RCC1: variants seen among roughly 807,000 people sequenced by gnomAD.
RCC1 encodes the protein regulator of chromosome condensation 1.
A neutral mutation model predicts 44.4 loss-of-function variants in RCC1; 11 were observed. The ratio of observed to expected loss-of-function variants is 0.25; its 90% CI spans 0.16 to 0.41. The LOEUF (loss-of-function observed/expected upper bound fraction) is 0.41, where lower values mean the gene tolerates loss of function less well. RCC1 is among the 10% of genes least tolerant of loss of function. RCC1 has a pLI of 1.00. For missense variants in RCC1, 386 were observed against 547.1 expected, an observed-to-expected ratio of 0.71 and a Z score of 2.94; for synonymous variants, 213 against 216.5, an observed-to-expected ratio of 0.98 and a Z score of 0.14.
intron 3 of RCC1, among the ~76,000 whole-genome samples, chr1:28,511,537 T>C (rs2124607520): frequency 6.6e-6 from 1 of 151,910 alleles, no homozygotes; most frequent in Admixed American, 6.6e-5. Flanking sequence ...CCCGGCTAAT[T>C]TTTTTGTATT....
chr1:28,536,017 C>A lies in RCC1; in HGVS notation c.808C>A (p.His270Asn). ...HVYGFGLSNY[H>N]QLGTPGTESC... ...GTACGGCTTCGGCCTCTCCAACTAC[C>A]ATCAGCTTGGTGAGCCCCGAGCCCA... The change falls in exon 10 of 13, where the codon CAT (histidine) becomes AAT (asparagine). Residue 270 changes from histidine to asparagine, a missense_variant. Transcript: ENST00000683442. The surrounding 1 kb of genome is among the most constrained non-coding windows in gnomAD (Gnocchi z 4.9). The A allele has an allele frequency of 6.2e-7, 1 of 1,608,854 alleles. No individual in the cohort carries two copies. Among genetic ancestry groups the A allele is most frequent in the Non-Finnish European group, 8.5e-7 (1 of 1,176,856 alleles).
chr1:28,528,594 C>T (rs1280817381), intron 4 of RCC1, among the ~76,000 whole-genome samples: 2 of 152,148 alleles, frequency 1.3e-5, no homozygotes, highest in South Asian at 2.1e-4. Flanking sequence ...TGCCTGTGCG[C>T]TCCAGCCTGG....
Position 28,536,986 on chromosome 1 carries a change from C to T in RCC1, c.1090+87C>T. The T allele has an allele frequency of 1.4e-6, 2 of 1,444,650 alleles. No homozygotes were observed. The highest frequency in any genetic ancestry group is 1.9e-6 in the Non-Finnish European group (2 of 1,048,610). 89.5% of individuals were successfully genotyped at this position (1,444,650 alleles called of 1,614,324 possible). A position where few individuals can be genotyped will look rare whatever the true frequency, so the allele number is the denominator to read the frequency against. On this transcript the variant is annotated intron_variant, in intron 12 of 12. Coordinates refer to ENST00000683442, the MANE Select transcript of RCC1 (RefSeq NM_001381865.2). The surrounding 1 kb of genome is among the most constrained non-coding windows in gnomAD (Gnocchi z 4.9). ...TCCCCAATAGGCTGTGATGTCCACTCTCGGGGGAGCCGAGGTACAGAGAGC... is the reference window on the plus strand; with the variant it reads ...TCCCCAATAGGCTGTGATGTCCACTTTCGGGGGAGCCGAGGTACAGAGAGC...
intron 4 of RCC1, chr1:28,518,250 G>A (rs1663014317): frequency 6.6e-6 from 1 of 152,182 alleles, no homozygotes; most frequent in Non-Finnish European, 1.5e-5. Flanking sequence ...CGCATGCTCT[G>A]GGGCAGTTCG....
chr1:28,513,850 G>A (rs1662703189), intron 3 of RCC1, among the ~76,000 whole-genome samples: 1 of 152,118 alleles, frequency 6.6e-6, no homozygotes, highest in South Asian at 2.1e-4. Context: ...CTCCCAAAGT[G>A]CTAGGAATAC....
In RCC1 at chr1:28,538,660, T is replaced by A. The variant is rs192226146; in HGVS notation, c.*653T>A. On this transcript the variant is annotated 3_prime_UTR_variant, in exon 13 of 13. Transcript: ENST00000683442. ...TCTTGCCCCTCAGGTGTTGCTTGTG[T>A]ACATCGTACCCATCCATTCGGCTTC... 3.3e-5 allele frequency: 5 copies of A among 151,046 alleles called. No individual in the cohort carries two copies. The highest frequency in any genetic ancestry group is 1.2e-4 in the African/African-American group (5 of 41,472). 9.4% of individuals were successfully genotyped at this position (151,046 alleles called of 1,614,324 possible). A position where few individuals can be genotyped will look rare whatever the true frequency, so the allele number is the denominator to read the frequency against.
At chr1:28,528,822 G>A (rs551137744) in intron 4 of RCC1, among the ~76,000 whole-genome samples, 1 of 142,720 alleles carries the variant, frequency 7.0e-6, no homozygotes, top group East Asian at 2.0e-4. Context: ...AAAAAAAAAT[G>A]GATGATAGGC....
intron 5 of RCC1, among the ~76,000 whole-genome samples, chr1:28,530,883 C>A (rs531594335): frequency 6.6e-6 from 1 of 152,180 alleles, no homozygotes; most frequent in East Asian, 1.9e-4. Context: ...TATTCACTGG[C>A]GGACGGCTTG....
intron 4 of RCC1, among the ~76,000 whole-genome samples, chr1:28,517,491 A>G (rs890839964): frequency 6.6e-6 from 1 of 152,200 alleles, no homozygotes; most frequent in Non-Finnish European, 1.5e-5. Context: ...CTTGTAGCTC[A>G]TAAGAAGATG....
intron 9 of RCC1, 91 bp from the exon 10 acceptor site, chr1:28,535,780 G>C (rs768559396): frequency 1.6e-5 from 23 of 1,414,454 alleles, no homozygotes; most frequent in Non-Finnish European, 2.2e-5. Context: ...GCCTCTCAAG[G>C]GCTTTTATAA....
chr1:28,515,482 C>T (rs997555852), intron 3 of RCC1, among the ~76,000 whole-genome samples: 6 of 150,636 alleles, frequency 4.0e-5, no homozygotes, highest in Non-Finnish European at 5.9e-5. Flanking sequence ...TTTGGGAGGC[C>T]GAGATGGGTG....
At chr1:28,515,298 A>C (rs1408705520) in intron 3 of RCC1, among the ~76,000 whole-genome samples, 1 of 151,908 alleles carries the variant, frequency 6.6e-6, no homozygotes, top group African/African-American at 2.4e-5. Flanking sequence ...TCAAAAAAAA[A>C]AATTAGCTGG....
At chr1:28,516,143 A>T (rs1413413238) in intron 3 of RCC1, among the ~76,000 whole-genome samples, 1 of 152,030 alleles carries the variant, frequency 6.6e-6, no homozygotes, top group Non-Finnish European at 1.5e-5. Flanking sequence ...AAATCGTGCC[A>T]TTGCACTCTA....
rs911392687 is a variant in RCC1 at position 28,528,622 on chromosome 1, G to A, written c.-9-1236G>A. On this transcript the variant is annotated intron_variant, in intron 4 of 12. Transcript: ENST00000683442. The stretch of plus-strand genomic sequence containing the variant: ...CAGCCTGGCGACAGAGTGAGACTCC[G>A]TCTCAAAAAACAGAAAAATACATGT... Among the ~76,000 whole-genome samples, 11 of 152,116 alleles carry A rather than the reference G, an allele frequency of 7.2e-5. No homozygotes were observed. The East Asian group carries it at 9.7e-4, about 13-fold the overall frequency.
At chr1:28,537,675 G>C (rs924522768) in intron 12 of RCC1, among the ~76,000 whole-genome samples, 157 bp from the exon 13 acceptor site, 27 of 152,060 alleles carry the variant, frequency 1.8e-4, no homozygotes, top group African/African-American at 6.0e-4. Flanking sequence ...TCATCTCCTT[G>C]GGTTCTCCCA....
chr1:28,519,570 A>AT (rs771304636), intron 4 of RCC1, among the ~76,000 whole-genome samples: 9,162 of 145,634 alleles, frequency 0.063, 399 homozygotes, highest in African/African-American at 0.12. Context: ...TGAGGATATA[A>AT]TTTTTTTTTT....
intron 3 of RCC1, 96 bp from the exon 4 acceptor site, chr1:28,516,629 A>C (rs569303880): frequency 8.3e-6 from 2 of 241,566 alleles, no homozygotes; most frequent in East Asian, 1.2e-4. Context: ...TGTGAGGAAC[A>C]AATGAGCTGA....
At chr1:28,507,647 GGCTGGAGTGCAGTGGCGCACTC>G (rs1390269742) in intron 1 of RCC1, 1 of 431,100 alleles carries the variant, frequency 2.3e-6, no homozygotes, top group Non-Finnish European at 4.5e-6. Context: ...CTGTTGCCCA[GGCTGGAGTGCAGTGGCGCACTC>G]CATTGCCTCT....
intron 4 of RCC1, among the ~76,000 whole-genome samples, chr1:28,519,912 G>T (rs1436581561): frequency 6.7e-6 from 1 of 148,332 alleles, no homozygotes. Flanking sequence ...TTGGTCTATC[G>T]CCCAGGCTGT....
Sources: allele counts gnomAD v4.1 joint callset (sites outside exome capture counted in the v4.1 genomes callset), GRCh38; gene constraint gnomAD v4.1.1; non-coding constraint Gnocchi (gnomAD v3.1); transcripts MANE v1.5; gene names NCBI Gene and HGNC (gene_info 2026-07-23, HGNC 2026-07-21).